The following THRB variants were observed in gnomAD, a reference collection of about 807,000 sequenced individuals.
The protein encoded by THRB is nuclear receptor subfamily 1 group A member 2.
Under a neutral mutation model 47.8 loss-of-function variants are expected in THRB, and 12 were observed. The ratio of observed to expected loss-of-function variants is 0.25; its 90% CI spans 0.16 to 0.41. THRB has a LOEUF of 0.41. Among genes scored for constraint, THRB ranks in the 10% least tolerant of loss-of-function variants. THRB has a pLI of 1.00. For synonymous variants in THRB, 218 were observed against 212.2 expected, an observed-to-expected ratio of 1.03 and a Z score of -0.24; for missense variants, 348 against 589.2, an observed-to-expected ratio of 0.59 and a Z score of 4.24.
intron 3 of THRB, among the ~76,000 whole-genome samples, chr3:24,261,992 T>C (rs968918690): frequency 1.3e-5 from 2 of 152,226 alleles, no homozygotes; most frequent in African/African-American, 4.8e-5. Flanking sequence ...TCTGTCTCAA[T>C]GGCTTTAAAT....
At chr3:24,170,991 A>G (rs1172931829) in intron 5 of THRB, among the ~76,000 whole-genome samples, 2 of 152,198 alleles carry the variant, frequency 1.3e-5, no homozygotes, top group African/African-American at 4.8e-5. Context: ...AAGAGAACAG[A>G]GATAGAGCTG....
intron 6 of THRB, among the ~76,000 whole-genome samples, chr3:24,148,308 G>A (rs1421070637): frequency 2.0e-5 from 3 of 152,100 alleles, no homozygotes; most frequent in African/African-American, 7.2e-5. Flanking sequence ...TGTATTTTTA[G>A]TAGAGACGGG....
intron 1 of THRB, among the ~76,000 whole-genome samples, chr3:24,387,225 T>C (rs2066192424): frequency 6.6e-6 from 1 of 152,110 alleles, no homozygotes; most frequent in African/African-American, 2.4e-5. Flanking sequence ...GTGCTTTGCA[T>C]TTTTTTCCCC....
chr3:24,143,814 T>A, intron 7 of THRB, 108 bp from the exon 8 acceptor site: 1 of 1,173,164 alleles, frequency 8.5e-7, no homozygotes, highest in Non-Finnish European at 1.3e-6. Flanking sequence ...ACAGATGGCT[T>A]ACTGGGTCCT....
At chr3:24,251,758 ATTAT>A (rs1223545070) in intron 3 of THRB, among the ~76,000 whole-genome samples, 1 of 152,096 alleles carries the variant, frequency 6.6e-6, no homozygotes, top group Non-Finnish European at 1.5e-5. Context: ...GATAAAAAAA[ATTAT>A]TTAAACTGTT....
At chr3:24,305,390 G>T (rs898142089) in intron 2 of THRB, among the ~76,000 whole-genome samples, 8 of 152,174 alleles carry the variant, frequency 5.3e-5, no homozygotes, top group African/African-American at 1.9e-4. Context: ...GGGTAGGGGT[G>T]GTGGATGTAG....
At chr3:24,362,086 T>C (rs994007348) in intron 1 of THRB, among the ~76,000 whole-genome samples, 1 of 152,118 alleles carries the variant, frequency 6.6e-6, no homozygotes, top group African/African-American at 2.4e-5. Flanking sequence ...ACACCTTACG[T>C]ATTATATCTC....
At chr3:24,329,321 C>T (rs181069681) in intron 2 of THRB, among the ~76,000 whole-genome samples, 10 of 152,298 alleles carry the variant, frequency 6.6e-5, no homozygotes, top group Admixed American at 5.2e-4. Context: ...TTCTACTTCC[C>T]CTGCCTGTCC....
At chr3:24,316,724 C>T (rs1365149765) in intron 2 of THRB, among the ~76,000 whole-genome samples, 1 of 152,148 alleles carries the variant, frequency 6.6e-6, no homozygotes, top group African/African-American at 2.4e-5. Context: ...TTCTCAGCTT[C>T]ACATACAAGA....
At chr3:24,453,874 C>T (rs1340530132) in intron 1 of THRB, among the ~76,000 whole-genome samples, 1 of 152,112 alleles carries the variant, frequency 6.6e-6, no homozygotes, top group Non-Finnish European at 1.5e-5. Flanking sequence ...GCTCCCTCTG[C>T]CTGCAGTGTT....
intron 3 of THRB, among the ~76,000 whole-genome samples, chr3:24,243,992 A>C (rs1279349876): frequency 6.6e-6 from 1 of 152,088 alleles, no homozygotes; most frequent in Non-Finnish European, 1.5e-5. Flanking sequence ...TCTAATTATG[A>C]GGAGTTGCCA....
rs184402466 is a variant in THRB, at chr3:24,237,689, G to A, written c.-42-8688C>T. ...GGGAATAAGGCCGTAGCTCTCAAAG[G>A]TGACATTGGGTTAAGTGGGACGTGC... On this transcript the variant is annotated intron_variant, in intron 3 of 10. Transcript: ENST00000646209. Among the ~76,000 whole-genome samples the A allele has an allele frequency of 1.1e-3, 169 of 152,224 alleles. 1 individual carries two copies. The highest frequency in any genetic ancestry group is 3.8e-3 in the African/African-American group (158 of 41,522).
chr3:24,134,594 C>T (rs946727820), intron 8 of THRB, among the ~76,000 whole-genome samples: 4 of 152,140 alleles, frequency 2.6e-5, no homozygotes, highest in Admixed American at 1.3e-4. Context: ...GCAGTCTCCC[C>T]GGAGCTCCAC....
chr3:24,142,164 A>G (rs2035534631), intron 8 of THRB, among the ~76,000 whole-genome samples: 1 of 152,166 alleles, frequency 6.6e-6, no homozygotes. Flanking sequence ...CAGTTGTGGG[A>G]GCTCAGGCAA....
intron 4 of THRB, among the ~76,000 whole-genome samples, chr3:24,198,356 A>G (rs1157305173): frequency 6.6e-6 from 1 of 151,772 alleles, no homozygotes; most frequent in African/African-American, 2.4e-5. Flanking sequence ...GTGTGAAAGT[A>G]CTTCACAATG....
chr3:24,413,238 GA>G (rs1250148538), intron 1 of THRB, among the ~76,000 whole-genome samples: 2 of 151,858 alleles, frequency 1.3e-5, no homozygotes, highest in African/African-American at 4.8e-5. Flanking sequence ...AGGACCATTT[GA>G]AAAGATATTT....
chr3:24,337,592 A>G (rs1403805068), intron 1 of THRB, among the ~76,000 whole-genome samples: 1 of 152,212 alleles, frequency 6.6e-6, no homozygotes, highest in Admixed American at 6.5e-5. Flanking sequence ...GTAAGAACAC[A>G]TTACAGGCAT....
chr3:24,189,864 A>G, intron 5 of THRB: 1 of 571,714 alleles, frequency 1.7e-6, no homozygotes, highest in Non-Finnish European at 3.1e-6. Context: ...ACAACGTGAA[A>G]CCGAAACAAG....
At chr3:24,389,603 G>C (rs527438667) in intron 1 of THRB, among the ~76,000 whole-genome samples, 27 of 152,152 alleles carry the variant, frequency 1.8e-4, no homozygotes, top group South Asian at 1.0e-3. Context: ...TTAATCTGTT[G>C]TTCTCTAATG....
Sources: allele counts gnomAD v4.1 joint callset (sites outside exome capture counted in the v4.1 genomes callset), GRCh38; gene constraint gnomAD v4.1.1; transcripts MANE v1.5; gene names NCBI Gene and HGNC (gene_info 2026-07-23, HGNC 2026-07-21).